RAB21: variants seen among roughly 807,000 people sequenced by gnomAD.
RAB21 encodes RAB21, member RAS oncogene family, also known as ras-related protein Rab-21.
In RAB21, 13 loss-of-function variants were observed where a neutral mutation model predicts 33.1. The ratio of observed to expected loss-of-function variants is 0.39; its 90% CI spans 0.26 to 0.62. The LOEUF is 0.62. Among genes scored for constraint, RAB21 ranks in the 20% least tolerant of loss-of-function variants. RAB21 has a pLI of 0.48. For synonymous variants in RAB21, 91 were observed against 103.7 expected (o/e 0.88, Z 0.74); for missense variants, 234 against 279.1 (o/e 0.84, Z 1.15).
At chr12:71,785,032 CAGTG>C (rs1328526246) in intron 6 of RAB21, among the ~76,000 whole-genome samples, 4 of 152,082 alleles carry the variant, frequency 2.6e-5, no homozygotes, top group Non-Finnish European at 4.4e-5. Context: ...TTAGGGGCTG[CAGTG>C]AGTAAGTGAT....
rs558435715 is a variant in RAB21, at chr12:71,763,912, C to G, written c.160-5888C>G. Among the ~76,000 whole-genome samples, 24 of 152,200 alleles carry G rather than the reference C, an allele frequency of 1.6e-4. 1 individual carries two copies. The South Asian group carries it at 4.8e-3, about 30-fold the overall frequency. ...GACAGGCTTCCACCCACTGCAGCAC[C>G]CAGCTGAGCTGTCTGACCTTCCGTG... On this transcript the variant is annotated intron_variant, in intron 1 of 6. Coordinates refer to ENST00000261263, the MANE Select transcript of RAB21 (RefSeq NM_014999.4).
intron 6 of RAB21, 61 bp from the exon 7 acceptor site, chr12:71,785,470 T>G: frequency 6.4e-7 from 1 of 1,571,814 alleles, no homozygotes; most frequent in Non-Finnish European, 8.7e-7. Flanking sequence ...ATACTGAAAT[T>G]TTAGAAAGAG....
rs114277856 is a variant in RAB21 at position 71,759,373 on chromosome 12, A to G, written c.159+4085A>G. ...TCTCAACAGGTCATTATTAAAGACT[A>G]TGAAAGAAAGCAGAGAGAGAGGGCC... is the stretch of plus-strand genomic sequence containing the variant. On this transcript the variant is annotated intron_variant, in intron 1 of 6. Transcript: ENST00000261263. Among the ~76,000 whole-genome samples, 860 of 152,364 alleles carry G rather than the reference A, an allele frequency of 5.6e-3. 13 individuals carry two copies. The highest frequency in any genetic ancestry group is 0.02 in the African/African-American group (814 of 41,592).
chr12:71,774,759 A>AAC (rs564338413), intron 4 of RAB21, among the ~76,000 whole-genome samples: 3 of 150,526 alleles, frequency 2.0e-5, no homozygotes, highest in South Asian at 4.2e-4. Flanking sequence ...TGTGTCTTAA[A>AAC]AAAAAAAAAA....
intron 1 of RAB21, among the ~76,000 whole-genome samples, chr12:71,766,518 G>A (rs1342810934): frequency 6.6e-6 from 1 of 152,080 alleles, no homozygotes; most frequent in Non-Finnish European, 1.5e-5. Context: ...GAAGCTCTTA[G>A]AACACTGCCC....
At chr12:71,774,980 G>A (rs1883099077) in intron 4 of RAB21, among the ~76,000 whole-genome samples, 2 of 152,224 alleles carry the variant, frequency 1.3e-5, no homozygotes, top group African/African-American at 2.4e-5. Context: ...TTCGGCTTGT[G>A]TTCTTATTCT....
At chr12:71,774,062 T>G (rs762702728) in intron 4 of RAB21, 40 bp downstream of exon 4, 9 of 1,390,368 alleles carry the variant, frequency 6.5e-6, no homozygotes, top group Non-Finnish European at 7.9e-6. Flanking sequence ...AAGTCCTCTG[T>G]TTCCTTAATG....
chr12:71,757,924 A>C (rs1258788258), intron 1 of RAB21, among the ~76,000 whole-genome samples: 1 of 152,090 alleles, frequency 6.6e-6, no homozygotes, highest in East Asian at 1.9e-4. Flanking sequence ...ATGTTTAGTC[A>C]AGTGATTGTC....
chr12:71,782,016 C>A lies in RAB21; in HGVS notation c.392-15C>A. ...AAATCAGTATAAAGATAAATATTTA[C>A]TTTTTTCAAAATAGGTAATAAAATA... is the stretch of plus-strand genomic sequence containing the variant. On this transcript the variant is annotated splice_polypyrimidine_tract_variant and intron_variant, in intron 4 of 6. Transcript: ENST00000261263. 6.4e-7 allele frequency: 1 copy of A among 1,564,010 alleles called. No homozygotes were observed. Among genetic ancestry groups the A allele is most frequent in the Non-Finnish European group, 8.8e-7 (1 of 1,137,852 alleles).
intron 1 of RAB21, 80 bp downstream of exon 1, chr12:71,755,368 C>T: frequency 7.2e-7 from 1 of 1,390,676 alleles, no homozygotes; most frequent in Non-Finnish European, 9.3e-7. Context: ...CGCCCTGGTC[C>T]CCTGGATGTA....
intron 2 of RAB21, 23 bp downstream of exon 2, chr12:71,769,882 T>C: frequency 7.9e-7 from 1 of 1,268,566 alleles, no homozygotes; most frequent in Non-Finnish European, 1.0e-6. Flanking sequence ...TTTCAACTAT[T>C]ATGCGTGGAG....
chr12:71,794,236 GAAAAA>G lies in RAB21; in HGVS notation c.*8569_*8573del, dbSNP rs112789402. 1 of 144,152 alleles carries G rather than the reference GAAAAA, an allele frequency of 6.9e-6. No homozygotes were observed. The highest frequency in any genetic ancestry group is 6.9e-5 in the Admixed American group (1 of 14,468). 8.9% of individuals were successfully genotyped at this position (144,152 alleles called of 1,614,324 possible). On this transcript the variant is annotated 3_prime_UTR_variant, in exon 7 of 7. Coordinates refer to ENST00000261263, the MANE Select transcript of RAB21 (RefSeq NM_014999.4). ...GGCCCTGTCTCAAAAAAAGAAAAAA[GAAAAA>G]AAAAAGTTAAAAGTTGTGGCATGGT...
In RAB21 at chr12:71,799,489, T is replaced by A. The variant is rs1373820866; in HGVS notation, c.*13816T>A. 6.6e-6 allele frequency: 1 copy of A among 152,232 alleles called. No homozygotes were observed. Among genetic ancestry groups the A allele is most frequent in the Non-Finnish European group, 1.5e-5 (1 of 68,044 alleles). 9.4% of individuals were successfully genotyped at this position (152,232 alleles called of 1,614,324 possible). ...TAGCAGTTTCACTTCTTGGAATATA[T>A]CCTGTAAATATGCTTATGTATGAAG... On this transcript the variant is annotated 3_prime_UTR_variant, in exon 7 of 7. Transcript: ENST00000261263.
intron 4 of RAB21, among the ~76,000 whole-genome samples, chr12:71,781,187 C>T (rs538906346): frequency 2.0e-4 from 31 of 152,066 alleles, no homozygotes; most frequent in African/African-American, 4.3e-4. Flanking sequence ...ACAGTTTTTC[C>T]GGCCGGGCGC....
In RAB21 at chr12:71,787,052, C is replaced by T. The variant is rs1883304723; in HGVS notation, c.*1379C>T. On this transcript the variant is annotated 3_prime_UTR_variant, in exon 7 of 7. Coordinates refer to ENST00000261263, the MANE Select transcript of RAB21 (RefSeq NM_014999.4). ...TAGCACGTAGTTTATGTTCCTGAGG[C>T]AGCACTTTTAGATCCTTTGTGAGCA... 1 of 152,172 alleles carries T rather than the reference C, an allele frequency of 6.6e-6. No individual in the cohort carries two copies. Among genetic ancestry groups the T allele is most frequent in the Admixed American group, 6.5e-5 (1 of 15,282 alleles). The allele number at this position is 152,172 out of a possible 1,614,324, so 9.4% of individuals were successfully genotyped here.
intron 1 of RAB21, among the ~76,000 whole-genome samples, chr12:71,759,289 C>T (rs891561351): frequency 6.6e-6 from 1 of 152,202 alleles, no homozygotes; most frequent in Admixed American, 6.5e-5. Flanking sequence ...AATCTACTGT[C>T]TGGATTAGCT....
intron 4 of RAB21, among the ~76,000 whole-genome samples, chr12:71,776,794 G>C (rs1055309976): frequency 5.3e-5 from 8 of 150,990 alleles, no homozygotes; most frequent in African/African-American, 1.2e-4. Context: ...TAAAAAAAAA[G>C]TATTTTGGGC....
At chr12:71,757,938 CT>C (rs535452083) in intron 1 of RAB21, among the ~76,000 whole-genome samples, 142 of 145,992 alleles carry the variant, frequency 9.7e-4, no homozygotes, top group Non-Finnish European at 1.1e-3. Flanking sequence ...GATTGTCCCC[CT>C]TTTTTTTTTT....
chr12:71,768,269 T>G (rs1455768466), intron 1 of RAB21, among the ~76,000 whole-genome samples: 1 of 152,182 alleles, frequency 6.6e-6, no homozygotes, highest in Non-Finnish European at 1.5e-5. Flanking sequence ...TTTTCTGTGG[T>G]GTGCCCATAG....
Sources: allele counts gnomAD v4.1 joint callset (sites outside exome capture counted in the v4.1 genomes callset), GRCh38; gene constraint gnomAD v4.1.1; transcripts MANE v1.5; gene names NCBI Gene and HGNC (gene_info 2026-07-23, HGNC 2026-07-21).